Variants in PPM1E observed in about 807,000 individuals in gnomAD.
PPM1E encodes the protein protein phosphatase, Mg2+/Mn2+ dependent 1E, also known as protein phosphatase 1E.
A neutral mutation model predicts 65.9 loss-of-function variants in PPM1E; 20 were observed. The ratio of observed to expected loss-of-function variants is 0.30; its 90% CI spans 0.21 to 0.44. PPM1E has a LOEUF of 0.44. Ranked by LOEUF, PPM1E falls within the 20% of genes least tolerant of loss-of-function variation. The probability of loss-of-function intolerance (pLI) is 1.00; values close to 1 mark genes in which losing one functional copy is unlikely to be tolerated. For synonymous variants in PPM1E, 352 were observed against 374.9 expected (o/e 0.94, Z 0.70); for missense variants, 713 against 953.1 (o/e 0.75, Z 3.32).
intron 1 of PPM1E, among the ~76,000 whole-genome samples, chr17:58,804,534 G>A (rs1252235834): frequency 1.3e-5 from 2 of 152,028 alleles, no homozygotes; most frequent in Non-Finnish European, 2.9e-5. Context: ...ATGGCAATTC[G>A]AGTGCATAAA....
At chr17:58,831,902 T>C (rs1430337471) in intron 1 of PPM1E, among the ~76,000 whole-genome samples, 4 of 152,248 alleles carry the variant, frequency 2.6e-5, no homozygotes, top group African/African-American at 9.6e-5. Flanking sequence ...GTCTGCTATT[T>C]TGAATCAGAA....
chr17:58,945,408 G>A (rs1180273119), intron 1 of PPM1E, among the ~76,000 whole-genome samples: 2 of 152,218 alleles, frequency 1.3e-5, no homozygotes, highest in Non-Finnish European at 2.9e-5. Context: ...CTCCCAAAGT[G>A]TTGGGATTAC....
At chr17:58,916,848 A>G (rs1292434166) in intron 1 of PPM1E, among the ~76,000 whole-genome samples, 1 of 152,206 alleles carries the variant, frequency 6.6e-6, no homozygotes, top group African/African-American at 2.4e-5. Context: ...ATAAAGTACT[A>G]TACAAATATG....
At chr17:58,923,296 A>T (rs1228106051) in intron 1 of PPM1E, among the ~76,000 whole-genome samples, 6 of 151,214 alleles carry the variant, frequency 4.0e-5, no homozygotes, top group Non-Finnish European at 1.5e-5. Flanking sequence ...AAAAAAAAAA[A>T]AAAAAAGAAA....
intron 1 of PPM1E, among the ~76,000 whole-genome samples, chr17:58,846,899 G>A (rs1007579042): frequency 2.6e-5 from 4 of 152,116 alleles, no homozygotes; most frequent in South Asian, 2.1e-4. Flanking sequence ...GTGTAAAAGT[G>A]TTCCTATTTC....
Position 58,965,784 on chromosome 17 carries a change from G to C in PPM1E, c.674G>C (p.Arg225Thr). Reference sequence around the variant, plus strand: ...GTGAAAGACTTCCCCCTCCGCAGGAGACCCCAGCTTTATTATGAGACATCA... The same window carrying C: ...GTGAAAGACTTCCCCCTCCGCAGGACACCCCAGCTTTATTATGAGACATCA... ...SWVKDFPLRRRPQLYYETSIH... is the reference protein window; with the variant it reads ...SWVKDFPLRRTPQLYYETSIH... The change falls in exon 3 of 7, where the codon AGA (arginine) becomes ACA (threonine). Residue 225 changes from arginine (R) to threonine (T), a missense_variant. Coordinates refer to ENST00000308249, the MANE Select transcript of PPM1E (RefSeq NM_014906.5). The C allele has an allele frequency of 6.2e-7, 1 of 1,614,096 alleles. No homozygotes were observed. The highest frequency in any genetic ancestry group is 1.1e-5 in the South Asian group (1 of 91,082).
rs374960042 is a variant in PPM1E, at chr17:58,955,634, T to C, written c.465-15T>C. On this transcript the variant is annotated splice_polypyrimidine_tract_variant and intron_variant, in intron 1 of 6. Transcript: ENST00000308249. ...TTCTTTTGCTGAAAATGGCCTTTTA[T>C]CTTTTTTCTTGCAGTAATTGCCCTT... 103 of 1,612,614 alleles carry C rather than the reference T, an allele frequency of 6.4e-5. 1 individual carries two copies. In the African/African-American group the frequency reaches 1.1e-3, roughly 16 times the overall value.
intron 1 of PPM1E, among the ~76,000 whole-genome samples, chr17:58,906,333 T>C (rs551184162): frequency 1.3e-5 from 2 of 152,252 alleles, no homozygotes; most frequent in South Asian, 2.1e-4. Context: ...TGATTTCCTA[T>C]TTTCAATTTC....
At chr17:58,769,813 G>A (rs1360986086) in intron 1 of PPM1E, among the ~76,000 whole-genome samples, 1 of 151,992 alleles carries the variant, frequency 6.6e-6, no homozygotes, top group Non-Finnish European at 1.5e-5. Context: ...GATCACTTGA[G>A]GTCAGGAGTT....
At chr17:58,784,499 C>T (rs1016031412) in intron 1 of PPM1E, among the ~76,000 whole-genome samples, 1 of 147,260 alleles carries the variant, frequency 6.8e-6, no homozygotes, top group Non-Finnish European at 1.5e-5. Context: ...TCCTCCCCCC[C>T]ACCACTTTTT....
At chr17:58,865,360 T>C (rs1252345536) in intron 1 of PPM1E, among the ~76,000 whole-genome samples, 2 of 150,728 alleles carry the variant, frequency 1.3e-5, no homozygotes, top group Non-Finnish European at 2.9e-5. Context: ...CACTCCAGCC[T>C]GGTGACAGAG....
chr17:58,867,182 T>C (rs968921060), intron 1 of PPM1E, among the ~76,000 whole-genome samples: 2 of 152,146 alleles, frequency 1.3e-5, no homozygotes, highest in Admixed American at 1.3e-4. Flanking sequence ...GGTTTCACCA[T>C]GTTGGTCAGG....
intron 1 of PPM1E, among the ~76,000 whole-genome samples, chr17:58,927,944 C>T (rs940331414): frequency 6.6e-6 from 1 of 151,928 alleles, no homozygotes; most frequent in Non-Finnish European, 1.5e-5. Flanking sequence ...CCTGTAGTCC[C>T]AGCTACTCAG....
At chr17:58,954,926 G>A (rs1469091228) in intron 1 of PPM1E, among the ~76,000 whole-genome samples, 1 of 148,308 alleles carries the variant, frequency 6.7e-6, no homozygotes, top group Non-Finnish European at 1.5e-5. Context: ...TATTCCCTCT[G>A]CCTGGAGTAT....
intron 1 of PPM1E, among the ~76,000 whole-genome samples, chr17:58,852,690 A>G (rs2050839899): frequency 7.0e-6 from 1 of 143,746 alleles, no homozygotes; most frequent in Non-Finnish European, 1.5e-5. Flanking sequence ...TGCAACTTCC[A>G]CCTCCTGGGT....
At chr17:58,777,192 C>A (rs2050002296) in intron 1 of PPM1E, among the ~76,000 whole-genome samples, 1 of 152,122 alleles carries the variant, frequency 6.6e-6, no homozygotes, top group African/African-American at 2.4e-5. Flanking sequence ...CACCATTGAA[C>A]CCCAGCTTGG....
intron 1 of PPM1E, among the ~76,000 whole-genome samples, chr17:58,913,009 C>G (rs1265344025): frequency 2.6e-5 from 4 of 152,100 alleles, no homozygotes; most frequent in African/African-American, 9.7e-5. Flanking sequence ...GTCTCTTCAT[C>G]TGGCTGTTCA....
At chr17:58,891,897 G>A (rs1372320355) in intron 1 of PPM1E, among the ~76,000 whole-genome samples, 1 of 140,600 alleles carries the variant, frequency 7.1e-6, no homozygotes, top group Admixed American at 7.5e-5. Flanking sequence ...GGGCAGTGGC[G>A]TGATCTCAGT....
intron 1 of PPM1E, among the ~76,000 whole-genome samples, chr17:58,927,313 A>G (rs2051835726): frequency 6.6e-6 from 1 of 150,974 alleles, no homozygotes; most frequent in African/African-American, 2.4e-5. Context: ...TATTTTTTTT[A>G]GTAGAGAGGG....
Sources: allele counts gnomAD v4.1 joint callset (sites outside exome capture counted in the v4.1 genomes callset), GRCh38; gene constraint gnomAD v4.1.1; transcripts MANE v1.5; gene names NCBI Gene and HGNC (gene_info 2026-07-23, HGNC 2026-07-21).